The following MLLT10 variants were observed in gnomAD, a reference collection of about 807,000 sequenced individuals.
MLLT10 encodes protein AF-10.
A neutral mutation model predicts 129.1 loss-of-function variants in MLLT10; 30 were observed. The observed-to-expected ratio is 0.23, with a 90% CI of 0.17 to 0.32. MLLT10 has a LOEUF of 0.32. MLLT10 is among the 10% of genes least tolerant of loss of function. The pLI is 1.00. For missense variants in MLLT10, 1,119 were observed against 1,268.3 expected (o/e 0.88, Z 1.79); for synonymous variants, 490 against 446.4 (o/e 1.10, Z -1.23).
intron 14 of MLLT10, among the ~76,000 whole-genome samples, chr10:21,720,335 G>A (rs551696409): frequency 1.3e-5 from 2 of 152,332 alleles, no homozygotes; most frequent in Non-Finnish European, 2.9e-5. Flanking sequence ...CCTGAAAGTT[G>A]TTCACACTTG....
At chr10:21,730,309 G>GAAAAAAAAAAAAAAA (rs10568793) in intron 16 of MLLT10, among the ~76,000 whole-genome samples, 1 of 122,846 alleles carries the variant, frequency 8.1e-6, no homozygotes, top group African/African-American at 2.9e-5. Context: ...CTCCAAAAAT[G>GAAAAAAAAAAAAAAA]AAAAAAAAAA....
At chr10:21,569,688 T>A (rs1245389668) in intron 3 of MLLT10, among the ~76,000 whole-genome samples, 8 of 152,000 alleles carry the variant, frequency 5.3e-5, no homozygotes, top group African/African-American at 1.5e-4. Context: ...CCCAAAGTGC[T>A]GAGATTACAG....
intron 13 of MLLT10, chr10:21,688,384 C>T (rs940808164): frequency 3.4e-6 from 3 of 891,554 alleles, no homozygotes; most frequent in Non-Finnish European, 1.8e-6. Context: ...GATCCACCCC[C>T]ACACTGCACC....
At chr10:21,602,026 C>T (rs2131155992) in intron 5 of MLLT10, among the ~76,000 whole-genome samples, 1 of 152,266 alleles carries the variant, frequency 6.6e-6, no homozygotes, top group East Asian at 1.9e-4. Context: ...TTTGAGAAAT[C>T]TGTGATTCTA....
intron 21 of MLLT10, among the ~76,000 whole-genome samples, chr10:21,739,021 C>T (rs1440998050): frequency 6.6e-6 from 1 of 152,168 alleles, no homozygotes; most frequent in Non-Finnish European, 1.5e-5. Flanking sequence ...GTGTCCAGAA[C>T]CGAACAGCTG....
At chr10:21,591,315 A>G (rs1589123376) in intron 4 of MLLT10, among the ~76,000 whole-genome samples, 1 of 152,150 alleles carries the variant, frequency 6.6e-6, no homozygotes, top group Non-Finnish European at 1.5e-5. Context: ...GGCATGAACC[A>G]CTGTCCCCAG....
intron 3 of MLLT10, among the ~76,000 whole-genome samples, chr10:21,579,307 G>GT (rs1041770332): frequency 6.6e-6 from 1 of 152,092 alleles, no homozygotes; most frequent in African/African-American, 2.4e-5. Context: ...TGTGTTTGCT[G>GT]TTTAGCAAGG....
At chr10:21,552,271 T>C (rs1426912121) in intron 3 of MLLT10, among the ~76,000 whole-genome samples, 2 of 152,070 alleles carry the variant, frequency 1.3e-5, no homozygotes, top group African/African-American at 2.4e-5. Flanking sequence ...TTATTACTTT[T>C]TGGTGTTAAT....
At chr10:21,726,037 C>T (rs1417601767) in intron 14 of MLLT10, among the ~76,000 whole-genome samples, 2 of 152,052 alleles carry the variant, frequency 1.3e-5, no homozygotes, top group Admixed American at 1.3e-4. Context: ...AGGCGTGAGC[C>T]ACCGCGCCCG....
chr10:21,636,480 A>G (rs1330035186), intron 8 of MLLT10, among the ~76,000 whole-genome samples: 2 of 151,926 alleles, frequency 1.3e-5, no homozygotes, highest in African/African-American at 2.4e-5. Context: ...TTATATATGT[A>G]TATGTCTTAT....
At chr10:21,651,145 C>T (rs923144916) in intron 8 of MLLT10, among the ~76,000 whole-genome samples, 12 of 152,136 alleles carry the variant, frequency 7.9e-5, no homozygotes, top group Non-Finnish European at 1.8e-4. Flanking sequence ...GATCTTGGCT[C>T]ACCACAACCT....
rs191318546 is a variant in MLLT10 at position 21,700,840 on chromosome 10, T to C, written c.1700-12932T>C. 6.6e-5 allele frequency among the ~76,000 whole-genome samples: 10 copies of C among 152,298 alleles called. No homozygotes were observed. The East Asian group carries it at 1.7e-3, about 26-fold the overall frequency. ...GTTGTATCCTTGACTGGTCAGGGCC[T>C]TGTAGAATGAGTTAAGGAGAATTCC... On this transcript the variant is annotated intron_variant, in intron 13 of 22. Coordinates refer to ENST00000307729, the MANE Select transcript of MLLT10 (RefSeq NM_001195626.3).
At chr10:21,634,301 GT>G (rs2047263924) in intron 8 of MLLT10, among the ~76,000 whole-genome samples, 1 of 152,150 alleles carries the variant, frequency 6.6e-6, no homozygotes, top group Non-Finnish European at 1.5e-5. Flanking sequence ...CAGACTAGTT[GT>G]TTTGCAGTGT....
At chr10:21,614,520 G>C (rs1296073713) in intron 6 of MLLT10, among the ~76,000 whole-genome samples, 1 of 152,066 alleles carries the variant, frequency 6.6e-6, no homozygotes, top group Admixed American at 6.6e-5. Flanking sequence ...GTGGGATTGA[G>C]GGGGAAGAGA....
chr10:21,617,894 G>A (rs1213538156), intron 8 of MLLT10, among the ~76,000 whole-genome samples: 4 of 152,190 alleles, frequency 2.6e-5, no homozygotes, highest in East Asian at 3.9e-4. Context: ...ATGGTGGTGG[G>A]CGCCTGTAGT....
intron 4 of MLLT10, among the ~76,000 whole-genome samples, chr10:21,586,760 G>A (rs977860890): frequency 3.9e-5 from 6 of 152,056 alleles, no homozygotes; most frequent in African/African-American, 1.4e-4. Flanking sequence ...GGTGGTGCCT[G>A]CCTGTAGTCC....
rs1374436426 is a variant in MLLT10, at chr10:21,714,027, C to T, written c.1878+77C>T. ...AAAGTGAGTTTTGTTGGAGGAGAAA[C>T]AAATGACATAGGGCCTTCTATAGGA... On this transcript the variant is annotated intron_variant, in intron 14 of 22. Transcript: ENST00000307729. 7 of 1,296,308 alleles carry T rather than the reference C, an allele frequency of 5.4e-6. No homozygotes were observed. In the Admixed American group the frequency reaches 1.6e-4, roughly 29 times the overall value. The allele number at this position is 1,296,308 out of a possible 1,614,324, so 80.3% of individuals were successfully genotyped here.
intron 9 of MLLT10, among the ~76,000 whole-genome samples, chr10:21,657,524 A>G (rs1419865581): frequency 6.6e-6 from 1 of 152,024 alleles, no homozygotes; most frequent in Non-Finnish European, 1.5e-5. Context: ...TTTTAAATTG[A>G]CAAATTGAAC....
chr10:21,564,263 T>C (rs1301574879), intron 3 of MLLT10, among the ~76,000 whole-genome samples: 1 of 152,160 alleles, frequency 6.6e-6, no homozygotes, highest in African/African-American at 2.4e-5. Context: ...TTTTTAAAAA[T>C]GTATTTTTGA....
Sources: allele counts gnomAD v4.1 joint callset (sites outside exome capture counted in the v4.1 genomes callset), GRCh38; gene constraint gnomAD v4.1.1; transcripts MANE v1.5; gene names NCBI Gene and HGNC (gene_info 2026-07-23, HGNC 2026-07-21).